RBFOX1: variants seen among roughly 807,000 people sequenced by gnomAD.
RBFOX1 encodes the protein RNA binding fox-1 homolog 1.
RBFOX1 carries 8 observed loss-of-function variants against 57.7 expected under a neutral mutation model. The observed-to-expected ratio is 0.14, with a 90% CI of 0.08 to 0.25. The LOEUF (loss-of-function observed/expected upper bound fraction) is 0.25. Ranked by LOEUF, RBFOX1 falls within the 10% of genes least tolerant of loss-of-function variation. RBFOX1 has a pLI of 1.00. For synonymous variants in RBFOX1, 326 were observed against 222.4 expected (o/e 1.47, Z -4.15); for missense variants, 611 against 548.5 (o/e 1.11, Z -1.14).
At chr16:7,547,722 T>G (rs551536644) in intron 5 of RBFOX1, among the ~76,000 whole-genome samples, 1 of 152,352 alleles carries the variant, frequency 6.6e-6, no homozygotes, top group African/African-American at 2.4e-5. Flanking sequence ...CTCAGGCACC[T>G]TGCTCCTACC....
intron 12 of RBFOX1, among the ~76,000 whole-genome samples, chr16:7,664,513 G>A (rs780206860): frequency 1.3e-5 from 2 of 152,174 alleles, no homozygotes; most frequent in African/African-American, 4.8e-5. Flanking sequence ...TTTACAATCC[G>A]ATTTTTAAAT....
chr16:5,318,732 G>C (rs1021764064), intron 1 of RBFOX1, among the ~76,000 whole-genome samples: 1 of 152,158 alleles, frequency 6.6e-6, no homozygotes, highest in Non-Finnish European at 1.5e-5. Context: ...CGGTAACTTA[G>C]GTACTGCTCT....
At chr16:6,362,346 A>G (rs909861773) in intron 2 of RBFOX1, among the ~76,000 whole-genome samples, 16 of 152,144 alleles carry the variant, frequency 1.1e-4, no homozygotes, top group African/African-American at 3.9e-4. Context: ...CAAACATCTT[A>G]CAAATTTGAT....
At chr16:7,708,837 T>TA (rs2083346371) in intron 14 of RBFOX1, among the ~76,000 whole-genome samples, 5 of 152,284 alleles carry the variant, frequency 3.3e-5, no homozygotes, top group Admixed American at 6.5e-5. Flanking sequence ...TATATATGTA[T>TA]TTATCTGTCA....
At chr16:7,183,099 GGA>G (rs2083049919) in intron 4 of RBFOX1, among the ~76,000 whole-genome samples, 1 of 152,120 alleles carries the variant, frequency 6.6e-6, no homozygotes, top group Non-Finnish European at 1.5e-5. Context: ...CAATTTCCTA[GGA>G]GAGAGAATTG....
rs552358372 is a variant in RBFOX1, at chr16:6,502,086, C to G, written c.-63-152517C>G. The stretch of plus-strand genomic sequence containing the variant: ...TTCCAGGGAATGGGTTGGGTCATTC[C>G]TTGTGTAACAGAATATTACCCAACT... On this transcript the variant is annotated intron_variant, in intron 2 of 15. Transcript: ENST00000550418. 3.3e-5 allele frequency among the ~76,000 whole-genome samples: 5 copies of G among 152,256 alleles called. No homozygotes were observed. In the East Asian group the frequency reaches 9.7e-4, roughly 29 times the overall value.
chr16:6,412,360 G>A (rs2093486161), intron 2 of RBFOX1, among the ~76,000 whole-genome samples: 1 of 152,054 alleles, frequency 6.6e-6, no homozygotes, highest in East Asian at 1.9e-4. Flanking sequence ...TGGTCAACTT[G>A]GATTTCAGTC....
intron 4 of RBFOX1, among the ~76,000 whole-genome samples, chr16:7,276,823 A>C (rs1213095182): frequency 6.6e-6 from 1 of 152,310 alleles, no homozygotes; most frequent in East Asian, 1.9e-4. Flanking sequence ...GTCTGTTAGG[A>C]AGGAGGTAAT....
rs528113375 is a variant in RBFOX1, at chr16:6,215,039, G to C, written c.-126-101956G>C. Among the ~76,000 whole-genome samples the C allele has an allele frequency of 1.0e-4, 14 of 140,214 alleles. No homozygotes were observed. In the South Asian group the frequency reaches 2.3e-3, roughly 23 times the overall value. The allele number at this position is 140,214 out of a possible 152,430, so 92.0% of individuals were successfully genotyped here. ...GGGAGAGGTAAAAGGAAATGGAGAG[G>C]GAGAGGGGAGAAGGAGAGGGAGAGG... On this transcript the variant is annotated intron_variant, in intron 1 of 15. Transcript: ENST00000550418.
intron 3 of RBFOX1, among the ~76,000 whole-genome samples, chr16:6,743,712 C>T (rs992369895): frequency 6.6e-6 from 1 of 151,904 alleles, no homozygotes; most frequent in East Asian, 1.9e-4. Context: ...CACTGTATTC[C>T]AGCCTGCACT....
chr16:5,442,000 C>A (rs543528088), intron 1 of RBFOX1, among the ~76,000 whole-genome samples: 5 of 152,186 alleles, frequency 3.3e-5, no homozygotes, highest in African/African-American at 9.6e-5. Flanking sequence ...AGACACTATC[C>A]CTGAATGTAG....
rs1031524878 is a variant in RBFOX1, at chr16:7,280,649, A to C, written c.27+228551A>C. 6.6e-5 allele frequency among the ~76,000 whole-genome samples: 10 copies of C among 152,302 alleles called. No homozygotes were observed. The East Asian group carries it at 7.7e-4, about 12-fold the overall frequency. ...TAAGGACAGAGTGGCTGGGGCAGTCAACTGGCATCCTAGAACATATTTCTC... is the reference window on the plus strand; with the variant it reads ...TAAGGACAGAGTGGCTGGGGCAGTCCACTGGCATCCTAGAACATATTTCTC... On this transcript the variant is annotated intron_variant, in intron 4 of 15. Coordinates refer to ENST00000550418, the MANE Select transcript of RBFOX1 (RefSeq NM_018723.4).
chr16:5,934,527 C>T lies in RBFOX1; in HGVS notation c.351+67192C>T, dbSNP rs563359655. ...ATATCCTGGCCTAGTCCACGACTCA[C>T]GTTGCAGATCAGGAGACTGAGGCCT... On this transcript the variant is annotated intron_variant, in intron 4 of 19. Transcript: ENST00000641259. Among the ~76,000 whole-genome samples, 6 of 152,280 alleles carry T rather than the reference C, an allele frequency of 3.9e-5. No individual in the cohort carries two copies. In the East Asian group the frequency reaches 7.7e-4, roughly 20 times the overall value.
intron 2 of RBFOX1, among the ~76,000 whole-genome samples, chr16:6,533,372 G>C (rs191687700): frequency 3.2e-4 from 49 of 152,282 alleles, no homozygotes; most frequent in African/African-American, 1.1e-3. Flanking sequence ...GGTACCATTA[G>C]GATCCCTGGG....
At chr16:6,720,137 A>C (rs2065686448) in intron 3 of RBFOX1, among the ~76,000 whole-genome samples, 1 of 152,158 alleles carries the variant, frequency 6.6e-6, no homozygotes, top group Non-Finnish European at 1.5e-5. Context: ...AAATGTTAGT[A>C]AAGTGCATGC....
intron 10 of RBFOX1, among the ~76,000 whole-genome samples, chr16:7,608,225 C>T (rs924174818): frequency 6.6e-6 from 1 of 152,168 alleles, no homozygotes; most frequent in Non-Finnish European, 1.5e-5. Context: ...AGTCATACCC[C>T]TTGCTTTGTT....
At chr16:5,826,907 T>G (rs2056076606) in intron 3 of RBFOX1, among the ~76,000 whole-genome samples, 1 of 152,154 alleles carries the variant, frequency 6.6e-6, no homozygotes, top group Admixed American at 6.5e-5. Context: ...CCTTGACCAA[T>G]AGTGTTGGAA....
Position 7,058,572 on chromosome 16 carries a change from T to TTG in RBFOX1, c.27+6491_27+6492dup, listed in dbSNP as rs111658690. Reference sequence around the variant, plus strand: ...TAATCATTGCACAGATTTCATAAGTTTGTGTGTGTGTGTGTGTGCATGCGC... The same window carrying TTG: ...TAATCATTGCACAGATTTCATAAGTTTGTGTGTGTGTGTGTGTGTGCATGCGC... On this transcript the variant is annotated intron_variant, in intron 4 of 15. Transcript: ENST00000550418. Among the ~76,000 whole-genome samples, 335 of 150,608 alleles carry TTG rather than the reference T, an allele frequency of 2.2e-3. 2 individuals are homozygous for TTG. The highest frequency in any genetic ancestry group is 7.0e-3 in the East Asian group (36 of 5,154).
chr16:5,734,173 C>T (rs2052488821), intron 3 of RBFOX1, among the ~76,000 whole-genome samples: 1 of 152,138 alleles, frequency 6.6e-6, no homozygotes, highest in Non-Finnish European at 1.5e-5. Context: ...GTTCAAAGAG[C>T]ACAGGTTTGG....
Sources: allele counts gnomAD v4.1 joint callset (sites outside exome capture counted in the v4.1 genomes callset), GRCh38; gene constraint gnomAD v4.1.1; transcripts MANE v1.5; gene names NCBI Gene and HGNC (gene_info 2026-07-23, HGNC 2026-07-21).